The following UNC13B variants were observed in gnomAD, a reference collection of about 807,000 sequenced individuals.
UNC13B encodes the protein protein unc-13 homolog B.
UNC13B carries 144 observed loss-of-function variants against 211.0 expected under a neutral mutation model. The observed-to-expected ratio is 0.68, with a 90% CI of 0.60 to 0.78. The LOEUF (loss-of-function observed/expected upper bound fraction) is 0.78, where lower values mean the gene tolerates loss of function less well. Among genes scored for constraint, UNC13B ranks in the 30% least tolerant of loss-of-function variants. The pLI is 0.00. For missense variants in UNC13B, 1,777 were observed against 2,002.0 expected (o/e 0.89, Z 2.14); for synonymous variants, 709 against 725.8 (o/e 0.98, Z 0.37).
chr9:35,277,700 G>T (rs1390246015), intron 7 of UNC13B, among the ~76,000 whole-genome samples: 2 of 151,942 alleles, frequency 1.3e-5, no homozygotes, highest in African/African-American at 4.8e-5. Flanking sequence ...ATGGGAGAAT[G>T]CAAAAACAAT....
At chr9:35,219,692 A>G (rs910609129) in intron 1 of UNC13B, among the ~76,000 whole-genome samples, 4 of 152,140 alleles carry the variant, frequency 2.6e-5, no homozygotes, top group African/African-American at 7.2e-5. Flanking sequence ...AGAGAATAAT[A>G]TATTGCATAC....
chr9:35,218,588 A>C (rs1401202033), intron 1 of UNC13B, among the ~76,000 whole-genome samples: 2 of 151,832 alleles, frequency 1.3e-5, no homozygotes, highest in Admixed American at 1.3e-4. Flanking sequence ...GTAGAGACAG[A>C]GCCTCACCGT....
In UNC13B at chr9:35,162,930, T is replaced by C. The variant is rs117160117; in HGVS notation, c.22+625T>C. Among the ~76,000 whole-genome samples the C allele has an allele frequency of 5.3e-4, 81 of 152,324 alleles. No homozygotes were observed. In the East Asian group the frequency reaches 0.015, roughly 29 times the overall value. Reference sequence around the variant, plus strand: ...GTAACTCAAGGTGAAGGGCCATTATTGCTTTTCCCCTGAGGACACTTGACC... The same window carrying C: ...GTAACTCAAGGTGAAGGGCCATTATCGCTTTTCCCCTGAGGACACTTGACC... On this transcript the variant is annotated intron_variant, in intron 1 of 39. Coordinates refer to ENST00000635942, the MANE Select transcript of UNC13B (RefSeq NM_001371189.2).
At chr9:35,167,297 T>A (rs1821087578) in intron 1 of UNC13B, among the ~76,000 whole-genome samples, 1 of 151,992 alleles carries the variant, frequency 6.6e-6, no homozygotes, top group East Asian at 1.9e-4. Flanking sequence ...ATGGTCTCGA[T>A]CACCTTACTT....
chr9:35,278,677 C>T (rs1564109574), intron 7 of UNC13B, among the ~76,000 whole-genome samples: 1 of 152,000 alleles, frequency 6.6e-6, no homozygotes, highest in Non-Finnish European at 1.5e-5. Flanking sequence ...TCTGGAGTTC[C>T]ATAGGTAGCT....
At position 35,233,331 on chromosome 9, in the gene UNC13B, A is replaced by G. The variant is rs1045894245; in HGVS notation, c.152+2112A>G. On this transcript the variant is annotated intron_variant, in intron 3 of 39. Coordinates refer to ENST00000635942, the MANE Select transcript of UNC13B (RefSeq NM_001371189.2). The stretch of plus-strand genomic sequence containing the variant: ...ATTATTCTTATGTGTTTATTTTCCA[A>G]TTTCCCATAGCACTTCCCCTTTTGA... 2.6e-5 allele frequency among the ~76,000 whole-genome samples: 4 copies of G among 151,908 alleles called. No individual in the cohort carries two copies. In the South Asian group the frequency reaches 6.2e-4, roughly 24 times the overall value.
intron 7 of UNC13B, among the ~76,000 whole-genome samples, chr9:35,272,807 G>A (rs1827968320): frequency 6.6e-6 from 1 of 152,156 alleles, no homozygotes; most frequent in Admixed American, 6.6e-5. Context: ...ATTCCACGTA[G>A]CTTTTAGAGT....
intron 1 of UNC13B, among the ~76,000 whole-genome samples, chr9:35,194,004 A>G (rs1049432920): frequency 2.0e-5 from 3 of 152,036 alleles, no homozygotes; most frequent in Non-Finnish European, 4.4e-5. Flanking sequence ...GTCCTAGGTC[A>G]GAGAGAGACC....
chr9:35,236,676 C>T, intron 4 of UNC13B, 90 bp downstream of exon 4: 2 of 1,147,974 alleles, frequency 1.7e-6, no homozygotes, highest in Non-Finnish European at 1.3e-6. Context: ...TTCATCCATG[C>T]ATCTTGGATT....
chr9:35,167,562 G>A, intron 1 of UNC13B, among the ~76,000 whole-genome samples: 1 of 148,742 alleles, frequency 6.7e-6, no homozygotes, highest in Admixed American at 6.7e-5. Context: ...ATTACAAACA[G>A]TGCTACAATG....
chr9:35,300,006 A>G (rs1255011835), intron 8 of UNC13B, among the ~76,000 whole-genome samples, 160 bp from the exon 9 acceptor site: 1 of 152,222 alleles, frequency 6.6e-6, no homozygotes, highest in Non-Finnish European at 1.5e-5. Flanking sequence ...ATAAACTTGA[A>G]GGAAGCAGAG....
At chr9:35,173,544 C>T (rs559986478) in intron 1 of UNC13B, among the ~76,000 whole-genome samples, 1 of 152,010 alleles carries the variant, frequency 6.6e-6, no homozygotes, top group Non-Finnish European at 1.5e-5. Context: ...GTGCCTCAGC[C>T]TCGCGAGTAG....
rs752798381 is a variant in UNC13B at position 35,380,588 on chromosome 9, A to G, written c.10324A>G (p.Ile3442Val). ...GTCTGATGATTTCCTTGGCCAAACCATCATTGAGGTTCGGACCCTAAGTGG... is the reference window on the plus strand; with the variant it reads ...GTCTGATGATTTCCTTGGCCAAACCGTCATTGAGGTTCGGACCCTAAGTGG... ...RESDDFLGQT[I>V]IEVRTLSGEM... Residue 3442 changes from isoleucine to valine, a missense_variant, in exon 18 of 40, where the codon ATC (isoleucine) becomes GTC (valine). By Grantham distance (29) the Ile-to-Val change is conservative. Coordinates refer to ENST00000635942, the MANE Select transcript of UNC13B (RefSeq NM_001371189.2). 15 of 1,614,204 alleles carry G rather than the reference A, an allele frequency of 9.3e-6. No individual in the cohort carries two copies. The South Asian group carries it at 1.1e-4, about 12-fold the overall frequency.
At chr9:35,336,694 AT>A (rs1831680412) in intron 11 of UNC13B, among the ~76,000 whole-genome samples, 1 of 152,000 alleles carries the variant, frequency 6.6e-6, no homozygotes, top group Non-Finnish European at 1.5e-5. Flanking sequence ...CACTAATCCC[AT>A]TCATTAGGGC....
At chr9:35,330,272 T>C (rs1015590065) in intron 11 of UNC13B, among the ~76,000 whole-genome samples, 12 of 152,236 alleles carry the variant, frequency 7.9e-5, no homozygotes, top group Non-Finnish European at 4.4e-5. Context: ...TCCAGAACTG[T>C]TGGCTTTTAG....
rs1273535022 is a variant in UNC13B at position 35,302,616 on chromosome 9, G to A, written c.3212G>A (p.Gly1071Glu). 2.5e-6 allele frequency: 1 copy of A among 398,498 alleles called. No homozygotes were observed. The highest frequency in any genetic ancestry group is 4.4e-5 in the Admixed American group (1 of 22,686). The allele number at this position is 398,498 out of a possible 1,614,324, so 24.7% of individuals were successfully genotyped here. ...TTAAATCCAAGTGACCACACAGCAG[G>A]ACAGAATTTTGAAAGGGATGGCTTA... ...EELNPSDHTA[G>E]QNFERDGLAI... The change falls in exon 9 of 40, where the codon GGA becomes GAA. Residue 1071 changes from glycine to glutamate, a missense_variant. Gly to Glu is a moderately conservative substitution (Grantham distance 98). Transcript: ENST00000635942.
intron 7 of UNC13B, among the ~76,000 whole-genome samples, chr9:35,267,519 A>C (rs1255047422): frequency 6.6e-6 from 1 of 152,238 alleles, no homozygotes; most frequent in East Asian, 1.9e-4. Context: ...ATGCTGTGTC[A>C]GTATTCAGAG....
At chr9:35,228,797 T>G (rs933718013) in intron 2 of UNC13B, among the ~76,000 whole-genome samples, 2 of 151,724 alleles carry the variant, frequency 1.3e-5, no homozygotes, top group South Asian at 4.2e-4. Flanking sequence ...AGAATTTTGT[T>G]GTAGATTTGT....
chr9:35,377,345 T>C, intron 15 of UNC13B, 123 bp from the exon 16 acceptor site: 2 of 1,015,654 alleles, frequency 2.0e-6, no homozygotes, highest in Non-Finnish European at 2.9e-6. Context: ...GCTTAATTGC[T>C]GAGAACTAGC....
Sources: gnomAD v4.1 joint callset for allele counts (sites outside exome capture counted in the v4.1 genomes callset) on GRCh38, gnomAD v4.1.1 for gene constraint, MANE v1.5 for transcripts, NCBI Gene and HGNC (gene_info 2026-07-23, HGNC 2026-07-21) for gene names.